Variants in QTMAN observed in about 807,000 individuals in gnomAD.
The protein encoded by QTMAN is queuosine-tRNA mannosyltransferase, also known as tRNA-queuosine alpha-mannosyltransferase.
the QTMAN span, among the ~76,000 whole-genome samples, chr2:144,153,211 G>A: frequency 7.2e-5 from 11 of 152,152 alleles, no homozygotes; most frequent in African/African-American, 2.2e-4. Context: ...GCAATTTGGT[G>A]ACTCACTGCA....
the QTMAN span, among the ~76,000 whole-genome samples, chr2:144,123,766 T>C: frequency 1.3e-5 from 2 of 152,234 alleles, no homozygotes; most frequent in Non-Finnish European, 2.9e-5. Flanking sequence ...CTTAGAGTCA[T>C]AGATCCAACT....
At chr2:144,291,386 G>A in the QTMAN span, among the ~76,000 whole-genome samples, 2 of 152,194 alleles carry the variant, frequency 1.3e-5, no homozygotes, top group African/African-American at 4.8e-5. Context: ...ACAACAGTCA[G>A]CACAGTCTCA....
the QTMAN span, among the ~76,000 whole-genome samples, chr2:144,029,060 T>C: frequency 6.6e-6 from 1 of 152,222 alleles, no homozygotes; most frequent in African/African-American, 2.4e-5. Flanking sequence ...CCTGGGCCAA[T>C]ATGATAACCT....
the QTMAN span, among the ~76,000 whole-genome samples, chr2:143,995,048 C>T: frequency 5.1e-4 from 78 of 152,162 alleles, 1 homozygote; most frequent in African/African-American, 1.5e-3. Context: ...TTGTTAAAAA[C>T]GGAAATAATT....
At chr2:144,096,845 C>T in the QTMAN span, among the ~76,000 whole-genome samples, 3 of 152,212 alleles carry the variant, frequency 2.0e-5, no homozygotes, top group Non-Finnish European at 2.9e-5. Flanking sequence ...ATGCACATTT[C>T]AGTTTAAAAC....
the QTMAN span, chr2:143,957,420 GT>G: frequency 1.2e-6 from 1 of 824,614 alleles, no homozygotes; most frequent in South Asian, 3.9e-5. Flanking sequence ...CTCATCTGAA[GT>G]TCAGGTTAAT....
the QTMAN span, chr2:144,319,946 T>C: frequency 1.3e-5 from 2 of 152,262 alleles, no homozygotes; most frequent in South Asian, 2.1e-4. Context: ...TTCAGCATCA[T>C]GACTGATAGT....
chr2:144,286,653 T>C, the QTMAN span, among the ~76,000 whole-genome samples: 2 of 152,324 alleles, frequency 1.3e-5, no homozygotes, highest in East Asian at 3.9e-4. Context: ...GTTTATACTA[T>C]AAAAGACACT....
chr2:144,277,544 G>A, the QTMAN span, among the ~76,000 whole-genome samples: 1 of 151,988 alleles, frequency 6.6e-6, no homozygotes, highest in South Asian at 2.1e-4. Context: ...AGTTAAAAAA[G>A]AGTTACAAGA....
chr2:144,094,220 G>A, the QTMAN span, among the ~76,000 whole-genome samples: 1 of 152,132 alleles, frequency 6.6e-6, no homozygotes, highest in African/African-American at 2.4e-5. Flanking sequence ...AGCTTTGCAA[G>A]TAAGGAAATA....
chr2:144,106,107 A>G, the QTMAN span, among the ~76,000 whole-genome samples: 5 of 152,210 alleles, frequency 3.3e-5, no homozygotes, highest in East Asian at 1.9e-4. Flanking sequence ...TGAAGGAAGC[A>G]CTATACATGG....
At chr2:144,133,444 TATATAATA>T in the QTMAN span, among the ~76,000 whole-genome samples, 1 of 41,840 alleles carries the variant, frequency 2.4e-5, no homozygotes, top group East Asian at 1.0e-3. Flanking sequence ...TAATATATAA[TATATAATA>T]TATAATATAT....
chr2:144,074,418 A>G, the QTMAN span, among the ~76,000 whole-genome samples: 6 of 152,330 alleles, frequency 3.9e-5, no homozygotes, highest in Admixed American at 2.6e-4. Flanking sequence ...TATGCAAACT[A>G]AAGAACACAG....
the QTMAN span, among the ~76,000 whole-genome samples, chr2:143,953,902 T>C: frequency 1.3e-5 from 2 of 151,968 alleles, no homozygotes; most frequent in African/African-American, 4.8e-5. Context: ...TTAAGCTGTT[T>C]TTAAGTGGCT....
At chr2:144,213,465 T>C in the QTMAN span, among the ~76,000 whole-genome samples, 2 of 152,220 alleles carry the variant, frequency 1.3e-5, no homozygotes, top group Non-Finnish European at 2.9e-5. Context: ...TTAGCTTTCA[T>C]ATATGACGTC....
chr2:144,031,428 T>C, the QTMAN span, among the ~76,000 whole-genome samples: 2 of 152,140 alleles, frequency 1.3e-5, no homozygotes. Context: ...CAAGAAAAAG[T>C]ACACAGAAAA....
the QTMAN span, among the ~76,000 whole-genome samples, chr2:144,232,075 C>T: frequency 2.6e-5 from 4 of 151,804 alleles, no homozygotes; most frequent in Non-Finnish European, 5.9e-5. Context: ...GGCATCCCAC[C>T]CAGATTCATT....
the QTMAN span, among the ~76,000 whole-genome samples, chr2:144,165,095 G>A: frequency 1.3e-5 from 2 of 152,300 alleles, no homozygotes; most frequent in African/African-American, 4.8e-5. Flanking sequence ...AGGCTGGCCA[G>A]GTGCGGTGGC....
the QTMAN span, among the ~76,000 whole-genome samples, chr2:144,070,991 T>C: frequency 6.6e-6 from 1 of 152,118 alleles, no homozygotes; most frequent in African/African-American, 2.4e-5. Flanking sequence ...GTAGTCATGA[T>C]GGGATGTCCT....
Sources: gnomAD v4.1 joint callset for allele counts (sites outside exome capture counted in the v4.1 genomes callset) on GRCh38, gnomAD v4.1.1 for gene constraint, MANE v1.5 for transcripts, NCBI Gene and HGNC (gene_info 2026-07-23, HGNC 2026-07-21) for gene names.